SASH1: variants seen among roughly 807,000 people sequenced by gnomAD.
SASH1 encodes the protein SAM and SH3 domain containing 1.
SASH1 carries 44 observed loss-of-function variants against 125.2 expected under a neutral mutation model. The ratio of observed to expected loss-of-function variants is 0.35; its 90% CI spans 0.28 to 0.45. SASH1 has a LOEUF of 0.45. SASH1 is among the 20% of genes least tolerant of loss of function. The pLI is 1.00. For missense variants in SASH1, 1,426 were observed against 1,614.5 expected, an observed-to-expected ratio of 0.88 and a Z score of 2.00; for synonymous variants, 639 against 649.1, an observed-to-expected ratio of 0.98 and a Z score of 0.24.
At chr6:148,311,114 T>A (rs1430589058) in intron 1 of SASH1, among the ~76,000 whole-genome samples, 1 of 151,710 alleles carries the variant, frequency 6.6e-6, no homozygotes, top group East Asian at 1.9e-4. Flanking sequence ...TTCTTTCTTT[T>A]TTTTCCCCCC....
intron 1 of SASH1, among the ~76,000 whole-genome samples, chr6:148,279,771 G>A (rs1047495179): frequency 6.6e-6 from 1 of 152,096 alleles, no homozygotes; most frequent in Non-Finnish European, 1.5e-5. Context: ...GAGGTAGGCA[G>A]ATCACTTGAG....
chr6:148,193,857 T>C, the SASH1 span, among the ~76,000 whole-genome samples: 1 of 152,364 alleles, frequency 6.6e-6, no homozygotes, highest in South Asian at 2.1e-4. Flanking sequence ...TACTAACAGC[T>C]ATGGGCATGT....
chr6:148,242,519 A>T, the SASH1 span, among the ~76,000 whole-genome samples: 1 of 152,204 alleles, frequency 6.6e-6, no homozygotes, highest in Non-Finnish European at 1.5e-5. Flanking sequence ...AAGGCCAAGT[A>T]AAGCGTCCGT....
intron 1 of SASH1, among the ~76,000 whole-genome samples, chr6:148,348,762 G>A (rs1282388086): frequency 6.6e-6 from 1 of 152,198 alleles, no homozygotes; most frequent in Non-Finnish European, 1.5e-5. Context: ...TTCTTCAGAC[G>A]TTTATTGGCT....
At chr6:148,471,312 C>A (rs1045020218) in intron 5 of SASH1, 105 bp from the exon 6 acceptor site, 1 of 703,724 alleles carries the variant, frequency 1.4e-6, no homozygotes, top group Non-Finnish European at 2.4e-6. Flanking sequence ...TCAAAGTATT[C>A]CTACCAGCTT....
intron 1 of SASH1, among the ~76,000 whole-genome samples, chr6:148,315,888 A>G (rs1166626228): frequency 6.6e-6 from 1 of 152,098 alleles, no homozygotes; most frequent in Non-Finnish European, 1.5e-5. Flanking sequence ...TGAGCCATAG[A>G]TCAAGACCCT....
At chr6:148,463,742 C>T (rs948111409) in intron 4 of SASH1, among the ~76,000 whole-genome samples, 1 of 152,210 alleles carries the variant, frequency 6.6e-6, no homozygotes, top group African/African-American at 2.4e-5. Context: ...TTAATAAGCA[C>T]CGCACACTTA....
At chr6:148,216,878 T>C in the SASH1 span, among the ~76,000 whole-genome samples, 1 of 151,952 alleles carries the variant, frequency 6.6e-6, no homozygotes, top group Non-Finnish European at 1.5e-5. Context: ...TTACAGGTGC[T>C]CACCATGCCC....
rs763573826 is a variant in SASH1, at chr6:148,548,415, G to C, written c.3601G>C (p.Ala1201Pro). 6.2e-7 allele frequency: 1 copy of C among 1,614,046 alleles called. No homozygotes were observed. Among genetic ancestry groups the C allele is most frequent in the Non-Finnish European group, 8.5e-7 (1 of 1,180,040 alleles). ...LPMYAGTLST[A>P]GFSTLSQVPS... is the part of the protein sequence containing the mutation. ...CATGTACGCCGGCACCCTCTCCACC[G>C]CGGGCTTCAGCACACTGAGCCAAGT... is the stretch of plus-strand genomic sequence containing the variant. The change falls in exon 20 of 20, where the codon GCG (alanine) becomes CCG (proline). Residue 1201 changes from alanine (A) to proline (P), a missense_variant. Coordinates refer to ENST00000367467, the MANE Select transcript of SASH1 (RefSeq NM_015278.5).
At chr6:148,483,043 A>G (rs1307074444) in intron 7 of SASH1, among the ~76,000 whole-genome samples, 1 of 152,136 alleles carries the variant, frequency 6.6e-6, no homozygotes, top group Non-Finnish European at 1.5e-5. Context: ...GCACAGCCTG[A>G]GATAGGGACT....
chr6:148,208,367 G>C, the SASH1 span, among the ~76,000 whole-genome samples: 1 of 152,176 alleles, frequency 6.6e-6, no homozygotes, highest in Non-Finnish European at 1.5e-5. Context: ...TGGCATTGTT[G>C]GGTTCACAAT....
At chr6:148,195,753 A>G in the SASH1 span, among the ~76,000 whole-genome samples, 1 of 152,200 alleles carries the variant, frequency 6.6e-6, no homozygotes, top group Non-Finnish European at 1.5e-5. Flanking sequence ...TGTCATGGAC[A>G]GATTACCTGC....
chr6:148,475,002 C>G (rs1253622978), intron 7 of SASH1, among the ~76,000 whole-genome samples: 1 of 151,982 alleles, frequency 6.6e-6, no homozygotes, highest in Non-Finnish European at 1.5e-5. Context: ...TATTACTTCC[C>G]CCTGAGTTAA....
At chr6:148,343,291 TC>T in intron 1 of SASH1, 68 bp downstream of exon 1, 10 of 1,480,970 alleles carry the variant, frequency 6.8e-6, no homozygotes, top group Non-Finnish European at 9.1e-6. Flanking sequence ...AACCGGGGGC[TC>T]CCTTCTCGCC....
chr6:148,436,954 A>G (rs932898447), intron 2 of SASH1, among the ~76,000 whole-genome samples: 3 of 152,232 alleles, frequency 2.0e-5, no homozygotes, highest in Non-Finnish European at 2.9e-5. Context: ...AAAGTTATAC[A>G]TATTTACACA....
At chr6:148,480,750 G>A (rs1246325103) in intron 7 of SASH1, 1 of 152,848 alleles carries the variant, frequency 6.5e-6, no homozygotes, top group African/African-American at 2.4e-5. Flanking sequence ...ACATACAAAT[G>A]AAGATCAAAA....
intron 1 of SASH1, among the ~76,000 whole-genome samples, chr6:148,326,587 AGAC>A (rs1446387538): frequency 6.7e-6 from 1 of 149,726 alleles, no homozygotes; most frequent in African/African-American, 2.5e-5. Flanking sequence ...TTTTTAATAG[AGAC>A]GGGGTTTCAC....
intron 1 of SASH1, among the ~76,000 whole-genome samples, chr6:148,289,145 C>T (rs999342946): frequency 1.3e-5 from 2 of 152,150 alleles, no homozygotes; most frequent in Admixed American, 6.5e-5. Flanking sequence ...CTGTGTAAAA[C>T]GAAACAAAAC....
intron 2 of SASH1, among the ~76,000 whole-genome samples, chr6:148,409,182 T>C (rs1321820138): frequency 6.6e-6 from 1 of 152,240 alleles, no homozygotes; most frequent in African/African-American, 2.4e-5. Context: ...TCTGCCAAAT[T>C]CTAAGCATCT....
Sources: gnomAD v4.1 joint callset for allele counts (sites outside exome capture counted in the v4.1 genomes callset) on GRCh38, gnomAD v4.1.1 for gene constraint, MANE v1.5 for transcripts, NCBI Gene and HGNC (gene_info 2026-07-23, HGNC 2026-07-21) for gene names.